The following CXCL13 variants were observed in gnomAD, a reference collection of about 807,000 sequenced individuals.
The protein encoded by CXCL13 is C-X-C motif chemokine ligand 13.
In CXCL13, 7 loss-of-function variants were observed where a neutral mutation model predicts 12.2. The ratio of observed to expected loss-of-function variants is 0.57; its 90% CI spans 0.33 to 1.07. CXCL13 has a LOEUF of 1.07. Among genes scored for constraint, CXCL13 ranks in the 50% least tolerant of loss-of-function variants. CXCL13 has a pLI of 0.04. For missense variants in CXCL13, 113 were observed against 127.4 expected (o/e 0.89, Z 0.55); for synonymous variants, 47 against 42.4 (o/e 1.11, Z -0.42).
chr4:77,530,691 G>T (rs1432222089), intron 1 of CXCL13, among the ~76,000 whole-genome samples: 1 of 152,014 alleles, frequency 6.6e-6, no homozygotes, highest in Non-Finnish European at 1.5e-5. Flanking sequence ...ATTGCTAATG[G>T]TCTGTCAGTT....
intron 1 of CXCL13, among the ~76,000 whole-genome samples, chr4:77,587,325 G>A (rs1214450465): frequency 6.6e-6 from 1 of 152,154 alleles, no homozygotes; most frequent in Non-Finnish European, 1.5e-5. Context: ...AGGAGCCAGG[G>A]GGATATGACG....
At chr4:77,553,361 G>T (rs1725579345) in intron 1 of CXCL13, among the ~76,000 whole-genome samples, 1 of 152,218 alleles carries the variant, frequency 6.6e-6, no homozygotes, top group Non-Finnish European at 1.5e-5. Flanking sequence ...CTGCTGGGTT[G>T]CCAAAGAATG....
At position 77,561,485 on chromosome 4, in the gene CXCL13, A is replaced by G. The variant is rs566443618; in HGVS notation, c.-42-44339A>G. Among the ~76,000 whole-genome samples the G allele has an allele frequency of 3.3e-5, 5 of 152,354 alleles. No homozygotes were observed. In the East Asian group the frequency reaches 9.6e-4, roughly 29 times the overall value. ...AGTCCTGAAGGTGCTATTTCTGTTTACAGATGAAAAACCTGATACTTAGAG... is the reference window on the plus strand; with the variant it reads ...AGTCCTGAAGGTGCTATTTCTGTTTGCAGATGAAAAACCTGATACTTAGAG... On this transcript the variant is annotated intron_variant, in intron 1 of 4. Coordinates refer to the CXCL13 transcript ENST00000286758.
At chr4:77,537,596 C>T (rs988097318) in intron 1 of CXCL13, among the ~76,000 whole-genome samples, 1 of 152,112 alleles carries the variant, frequency 6.6e-6, no homozygotes, top group Non-Finnish European at 1.5e-5. Context: ...TAGAAGATTC[C>T]AAGTATTTAG....
At position 77,611,280 on chromosome 4, in the gene CXCL13, T is replaced by C; in HGVS notation, c.*241T>C. 2.4e-6 allele frequency: 1 copy of C among 422,088 alleles called. No individual in the cohort carries two copies. Among genetic ancestry groups the C allele is most frequent in the Admixed American group, 3.9e-5 (1 of 25,340 alleles). The allele number at this position is 422,088 out of a possible 1,614,324, so 26.1% of individuals were successfully genotyped here. A position where few individuals can be genotyped will look rare whatever the true frequency, so the allele number is the denominator to read the frequency against. ...TCAGGGAGGAAAGTTTCTTTGAAAA[T>C]AGTTATTCAGTTATAAGTAATACAG... On this transcript the variant is annotated 3_prime_UTR_variant, in exon 4 of 4. Transcript: ENST00000682537.
At chr4:77,578,807 T>C (rs990872229) in intron 1 of CXCL13, among the ~76,000 whole-genome samples, 4 of 152,220 alleles carry the variant, frequency 2.6e-5, no homozygotes, top group Non-Finnish European at 4.4e-5. Context: ...AGCATTCTTA[T>C]TCTCTGGTCT....
chr4:77,522,985 T>G (rs1193321585), intron 1 of CXCL13, among the ~76,000 whole-genome samples: 1 of 152,208 alleles, frequency 6.6e-6, no homozygotes, highest in Non-Finnish European at 1.5e-5. Context: ...TTTGGCTGGA[T>G]ATTAAATTCT....
chr4:77,544,456 G>T (rs547079604), intron 1 of CXCL13, among the ~76,000 whole-genome samples: 1 of 152,120 alleles, frequency 6.6e-6, no homozygotes, highest in Non-Finnish European at 1.5e-5. Context: ...GTGTGAGATG[G>T]TATCTCATTG....
intron 1 of CXCL13, among the ~76,000 whole-genome samples, chr4:77,592,967 G>T (rs1309590314): frequency 6.6e-6 from 1 of 152,214 alleles, no homozygotes; most frequent in African/African-American, 2.4e-5. Flanking sequence ...TAAGTTGGAA[G>T]AAATTCAGAG....
At chr4:77,535,968 A>C (rs1725049073) in intron 1 of CXCL13, among the ~76,000 whole-genome samples, 1 of 152,130 alleles carries the variant, frequency 6.6e-6, no homozygotes. Context: ...ATACCACTAA[A>C]TTTAGAATAC....
At chr4:77,527,948 G>A (rs1476821587) in intron 1 of CXCL13, among the ~76,000 whole-genome samples, 2 of 151,728 alleles carry the variant, frequency 1.3e-5, no homozygotes, top group Non-Finnish European at 2.9e-5. Flanking sequence ...CCCCACAACA[G>A]GCCCTGGTGT....
intron 1 of CXCL13, among the ~76,000 whole-genome samples, chr4:77,518,213 T>C (rs1369233442): frequency 6.6e-6 from 1 of 152,230 alleles, no homozygotes. Context: ...CCTTTCTCTC[T>C]GGCTGCCCTT....
chr4:77,549,581 A>G (rs1293349326), intron 1 of CXCL13, among the ~76,000 whole-genome samples: 4 of 152,206 alleles, frequency 2.6e-5, no homozygotes, highest in African/African-American at 9.6e-5. Context: ...TTTTACTTCT[A>G]ACAGTCAGGA....
intron 1 of CXCL13, among the ~76,000 whole-genome samples, chr4:77,567,925 C>T (rs1398952277): frequency 1.3e-5 from 2 of 152,214 alleles, no homozygotes; most frequent in Admixed American, 6.5e-5. Flanking sequence ...GGCTACTCTG[C>T]CTATGGAGTA....
intron 1 of CXCL13, among the ~76,000 whole-genome samples, chr4:77,516,122 A>G (rs1354673295): frequency 1.3e-5 from 2 of 152,266 alleles, no homozygotes; most frequent in East Asian, 1.9e-4. Flanking sequence ...ATTGATTTGC[A>G]TATATCGAAC....
chr4:77,595,341 A>G (rs1404731474), intron 1 of CXCL13, among the ~76,000 whole-genome samples: 1 of 152,188 alleles, frequency 6.6e-6, no homozygotes, highest in East Asian at 1.9e-4. Context: ...GGATGTATTG[A>G]GTTTAGAAAC....
intron 1 of CXCL13, among the ~76,000 whole-genome samples, chr4:77,536,304 A>G (rs897348149): frequency 1.3e-5 from 2 of 152,198 alleles, no homozygotes; most frequent in Non-Finnish European, 2.9e-5. Flanking sequence ...AATACCAATC[A>G]TTTAATCATC....
intron 1 of CXCL13, among the ~76,000 whole-genome samples, chr4:77,598,134 G>A (rs900014347): frequency 2.0e-5 from 3 of 152,234 alleles, no homozygotes; most frequent in African/African-American, 7.2e-5. Context: ...TGTCTTGACA[G>A]TATACTGCCT....
At chr4:77,601,691 T>C (rs1033498781), upstream of CXCL13, among the ~76,000 whole-genome samples, 1 of 152,264 alleles carries the variant, frequency 6.6e-6, no homozygotes, top group African/African-American at 2.4e-5. Context: ...ACTTCACGTT[T>C]TTGTGTTTTC....
Sources: gnomAD v4.1 joint callset for allele counts (sites outside exome capture counted in the v4.1 genomes callset) on GRCh38, gnomAD v4.1.1 for gene constraint, MANE v1.5 for transcripts, NCBI Gene and HGNC (gene_info 2026-07-23, HGNC 2026-07-21) for gene names.